Variants in SLC12A8 observed in about 807,000 individuals in gnomAD.
The protein encoded by SLC12A8 is cation-chloride cotransporter 9.
In SLC12A8, 69 loss-of-function variants were observed where a neutral mutation model predicts 75.6. That is an observed-to-expected ratio of 0.91 (90% CI 0.75 to 1.11). The LOEUF is 1.11. Among genes scored for constraint, SLC12A8 ranks in the 50% most tolerant of loss-of-function variants. The pLI is 0.00. For synonymous variants in SLC12A8, 365 were observed against 372.8 expected, an observed-to-expected ratio of 0.98 and a Z score of 0.24; for missense variants, 877 against 896.7, an observed-to-expected ratio of 0.98 and a Z score of 0.28.
chr3:125,103,711 C>T (rs1052369412), intron 10 of SLC12A8, among the ~76,000 whole-genome samples: 1 of 151,728 alleles, frequency 6.6e-6, no homozygotes, highest in African/African-American at 2.4e-5. Flanking sequence ...CCACTCACTG[C>T]AGCTTCAACT....
chr3:125,140,243 A>G (rs1193931996), intron 5 of SLC12A8, among the ~76,000 whole-genome samples: 1 of 152,254 alleles, frequency 6.6e-6, no homozygotes, highest in Non-Finnish European at 1.5e-5. Flanking sequence ...CCTACGTGCC[A>G]GCCACTGAAC....
chr3:125,189,332 G>C (rs1934862609), intron 3 of SLC12A8, among the ~76,000 whole-genome samples: 1 of 152,138 alleles, frequency 6.6e-6, no homozygotes, highest in Admixed American at 6.5e-5. Flanking sequence ...GTTGGCATTG[G>C]CCTGTTTCTC....
At position 125,157,150 on chromosome 3, in the gene SLC12A8, C is replaced by A. The variant is rs202009609; in HGVS notation, c.622+20593G>T. Among the ~76,000 whole-genome samples, 19 of 151,680 alleles carry A rather than the reference C, an allele frequency of 1.3e-4. No individual in the cohort carries two copies. The East Asian group carries it at 3.5e-3, about 28-fold the overall frequency. On this transcript the variant is annotated intron_variant, in intron 5 of 13. Transcript: ENST00000469902. ...AAAACGAAAAAGGATGAAAAAAAGG[C>A]TATAAGGAAATAGCTTTTAGATATA...
At chr3:125,149,459 G>A (rs1933866280) in intron 5 of SLC12A8, among the ~76,000 whole-genome samples, 1 of 152,220 alleles carries the variant, frequency 6.6e-6, no homozygotes, top group Non-Finnish European at 1.5e-5. Flanking sequence ...CTGGCCAGGG[G>A]TGATGGGGAC....
At chr3:125,102,916 A>C (rs990824990) in intron 10 of SLC12A8, among the ~76,000 whole-genome samples, 1 of 152,168 alleles carries the variant, frequency 6.6e-6, no homozygotes, top group Non-Finnish European at 1.5e-5. Context: ...AGCCCAGTTC[A>C]TTCTGGCAGA....
intron 6 of SLC12A8, among the ~76,000 whole-genome samples, chr3:125,125,235 C>T (rs935835654): frequency 3.3e-5 from 5 of 151,354 alleles, no homozygotes; most frequent in Admixed American, 3.3e-4. Context: ...CGACACTTTT[C>T]TTGGCGGGCT....
At position 125,177,810 on chromosome 3, in the gene SLC12A8, C is replaced by G. The variant is rs1052620983; in HGVS notation, c.555G>C (p.Leu185=). ...TGGACACGGCCAGCAGGAACAGCAA[C>G]AGCAGCTGGAGGCGGATTATCCATT... ...GVKWIIRLQL[L]LLFLLAVSTL... The change falls in exon 5 of 14, where the codon CTG becomes CTC. Residue 185 remains leucine (L), a synonymous_variant. Transcript: ENST00000469902. 2 of 1,614,096 alleles carry G rather than the reference C, an allele frequency of 1.2e-6. No homozygotes were observed. The highest frequency in any genetic ancestry group is 2.7e-5 in the African/African-American group (2 of 74,934).
At chr3:125,187,881 G>C (rs924926259) in intron 3 of SLC12A8, among the ~76,000 whole-genome samples, 1 of 152,024 alleles carries the variant, frequency 6.6e-6, no homozygotes, top group African/African-American at 2.4e-5. Context: ...CCAGGAAGCT[G>C]GCCCTGTAAC....
At chr3:125,144,902 C>G (rs1461196390) in intron 5 of SLC12A8, among the ~76,000 whole-genome samples, 2 of 152,146 alleles carry the variant, frequency 1.3e-5, no homozygotes, top group African/African-American at 4.8e-5. Flanking sequence ...GCAGAGCCCC[C>G]CTCCTGCCAA....
rs755777502 is a variant in SLC12A8 at position 125,135,804 on chromosome 3, C to A, written c.623-22G>T. On this transcript the variant is annotated intron_variant, in intron 5 of 13. Transcript: ENST00000469902. Reference sequence around the variant, plus strand: ...TGTTCTGAAATAAAGCAATGGAGAGCAACGTAAGCCCAGTGAGAAGACACA... The same window carrying A: ...TGTTCTGAAATAAAGCAATGGAGAGAAACGTAAGCCCAGTGAGAAGACACA... 5 of 1,404,388 alleles carry A rather than the reference C, an allele frequency of 3.6e-6. No homozygotes were observed. The South Asian group carries it at 5.0e-5, about 14-fold the overall frequency. 87.0% of individuals were successfully genotyped at this position (1,404,388 alleles called of 1,614,324 possible).
In SLC12A8 at chr3:125,211,091, T is replaced by A. The variant is rs182269483; in HGVS notation, c.51+208A>T. Among the ~76,000 whole-genome samples, 209 of 152,340 alleles carry A rather than the reference T, an allele frequency of 1.4e-3. 2 individuals carry two copies. The highest frequency in any genetic ancestry group is 4.4e-3 in the African/African-American group (181 of 41,590). ...CCCAGGATTCAAAATCCACCACAAA[T>A]AATGCCAAAGGTTTTCTGTATATGA... On this transcript the variant is annotated intron_variant, in intron 2 of 13. Transcript: ENST00000469902.
At chr3:125,151,273 G>T (rs1174310991) in intron 5 of SLC12A8, 1 of 153,256 alleles carries the variant, frequency 6.5e-6, no homozygotes, top group Non-Finnish European at 1.5e-5. Flanking sequence ...GAAGTCATTG[G>T]CCTCTTGGCC....
At chr3:125,175,345 C>T (rs1934496783) in intron 5 of SLC12A8, among the ~76,000 whole-genome samples, 1 of 151,858 alleles carries the variant, frequency 6.6e-6, no homozygotes, top group African/African-American at 2.4e-5. Flanking sequence ...GATTTTTAAC[C>T]ACAAAGAAAA....
chr3:125,105,692 T>A (rs912636181), intron 10 of SLC12A8, among the ~76,000 whole-genome samples: 1 of 152,190 alleles, frequency 6.6e-6, no homozygotes, highest in African/African-American at 2.4e-5. Context: ...GTGAGATAAC[T>A]ACTCTGGGGG....
rs953649691 is a variant in SLC12A8, at chr3:125,190,639, T to C, written c.52-118A>G. 2.5e-6 allele frequency: 3 copies of C among 1,204,734 alleles called. No homozygotes were observed. The African/African-American group carries it at 4.5e-5, about 18-fold the overall frequency. The allele number at this position is 1,204,734 out of a possible 1,614,324, so 74.6% of individuals were successfully genotyped here. On this transcript the variant is annotated intron_variant, in intron 2 of 13. Coordinates refer to ENST00000469902, the MANE Select transcript of SLC12A8 (RefSeq NM_024628.6). ...TCAGCTTAAAAACAGTCCTGTCTTATTGTGCCAGGGCAAGTGTGTGTGTAT... is the reference window on the plus strand; with the variant it reads ...TCAGCTTAAAAACAGTCCTGTCTTACTGTGCCAGGGCAAGTGTGTGTGTAT...
intron 8 of SLC12A8, among the ~76,000 whole-genome samples, chr3:125,111,631 T>A (rs1051692080): frequency 5.3e-5 from 8 of 152,134 alleles, no homozygotes; most frequent in African/African-American, 1.9e-4. Context: ...TGATGAAGGC[T>A]CTCCTCACCC....
At chr3:125,162,478 G>A (rs1579515452) in intron 5 of SLC12A8, among the ~76,000 whole-genome samples, 1 of 152,268 alleles carries the variant, frequency 6.6e-6, no homozygotes, top group Middle Eastern at 3.4e-3. Flanking sequence ...CAAAGCCAAC[G>A]GAGGGTGGAA....
intron 2 of SLC12A8, 115 bp from the exon 3 acceptor site, chr3:125,190,636 T>C (rs1027773868): frequency 3.2e-6 from 4 of 1,235,644 alleles, no homozygotes; most frequent in Middle Eastern, 2.4e-4. Flanking sequence ...CAGTCCTGTC[T>C]TATTGTGCCA....
chr3:125,120,526 G>A, intron 7 of SLC12A8, 73 bp downstream of exon 7: 1 of 1,071,612 alleles, frequency 9.3e-7, no homozygotes, highest in Non-Finnish European at 1.4e-6. Flanking sequence ...GAACAAAAGG[G>A]GCAATCCCTC....
Sources: gnomAD v4.1 joint callset for allele counts (sites outside exome capture counted in the v4.1 genomes callset) on GRCh38, gnomAD v4.1.1 for gene constraint, MANE v1.5 for transcripts, NCBI Gene and HGNC (gene_info 2026-07-23, HGNC 2026-07-21) for gene names.